The following MAGEB1 variants were observed in gnomAD, a reference collection of about 807,000 sequenced individuals.
The protein encoded by MAGEB1 is melanoma-associated antigen B1.
For synonymous variants in MAGEB1, 99 were observed against 105.7 expected (o/e 0.94, Z 0.39); for missense variants, 290 against 286.7 (o/e 1.01, Z -0.08).
rs150271069 is a variant in MAGEB1 at position 30,250,528 on chromosome X, G to A, written c.35G>A (p.Arg12His). The A allele has an allele frequency of 3.9e-4, 471 of 1,201,467 alleles. 2 individuals are homozygous for A. The highest frequency in any genetic ancestry group is 5.0e-4 in the Non-Finnish European group (444 of 890,983). ...GGTCAGAAGAGTAAGCTCCGTGCTC[G>A]TGAGAAACGCCGCAAGGCGCGAGAG... ...PRGQKSKLRA[R>H]EKRRKAREET... Residue 12 changes from arginine to histidine, a missense_variant, in exon 2 of 2, where the codon CGT becomes CAT. Transcript: ENST00000397548.
upstream of MAGEB1, among the ~76,000 whole-genome samples, chrX:30,245,714 A>G (rs1925284611): frequency 1.8e-5 from 2 of 112,728 alleles, no homozygotes; most frequent in Non-Finnish European, 3.7e-5. Flanking sequence ...GACAGATGTG[A>G]ATTAAAGAGA....
chrX:30,245,880 A>G (rs1489597237), upstream of MAGEB1, among the ~76,000 whole-genome samples: 1 of 112,399 alleles, frequency 8.9e-6, no homozygotes, highest in Non-Finnish European at 1.9e-5. Flanking sequence ...GTGAAGGAAT[A>G]GATCAGCATG....
At chrX:30,247,007 G>A (rs1194766542), upstream of MAGEB1, 3 of 112,381 alleles carry the variant, frequency 2.7e-5, no homozygotes, top group African/African-American at 9.7e-5. Flanking sequence ...GTCAGCAGGC[G>A]GAGTCGTCCC....
At chrX:30,250,006 G>A (rs1389750924) in intron 1 of MAGEB1, among the ~76,000 whole-genome samples, 1 of 111,498 alleles carries the variant, frequency 9.0e-6, no homozygotes, top group Non-Finnish European at 1.9e-5. Flanking sequence ...GATGAGATGA[G>A]GACTCTGAAT....
chrX:30,244,498 A>C (rs1925245755), upstream of MAGEB1, among the ~76,000 whole-genome samples: 1 of 112,195 alleles, frequency 8.9e-6, no homozygotes, highest in Non-Finnish European at 1.9e-5. Flanking sequence ...AGGTAATGAG[A>C]TACTCCTTAA....
chrX:30,249,686 T>C (rs779224366), intron 1 of MAGEB1, among the ~76,000 whole-genome samples: 15 of 111,589 alleles, frequency 1.3e-4, no homozygotes, highest in Non-Finnish European at 7.5e-5. Context: ...CCATTGGGTC[T>C]CAGGCAGATG....
rs1439741729 is a variant in MAGEB1, at chrX:30,251,147, A to G, written c.654A>G (p.Glu218=). The G allele has an allele frequency of 3.3e-6, 4 of 1,209,303 alleles. No individual in the cohort carries two copies. Among genetic ancestry groups the G allele is most frequent in the Non-Finnish European group, 4.5e-6 (4 of 894,417 alleles). ...TAAAGGGCAACTCTGCCACCGAGGA[A>G]GAGATCTGGAAATTCATGAATGTGT... ...IFLKGNSATE[E]EIWKFMNVLG... is the part of the protein sequence containing the mutation. The change falls in exon 2 of 2, where the codon GAA becomes GAG. Residue 218 remains glutamate (E), a synonymous_variant. Transcript: ENST00000397548.
In MAGEB1 at chrX:30,250,657, C is replaced by T. The variant is rs775778615; in HGVS notation, c.164C>T (p.Ala55Val). Reference sequence around the variant, plus strand: ...GATACTCCCACAAGCTCCCCTGCTGCTGGCATTCCCCAGAAGCCTCAGGGA... The same window carrying T: ...GATACTCCCACAAGCTCCCCTGCTGTTGGCATTCCCCAGAAGCCTCAGGGA... ...LGDTPTSSPAAGIPQKPQGAP... is the reference protein window; with the variant it reads ...LGDTPTSSPAVGIPQKPQGAP... The change falls in exon 2 of 2, where the codon GCT becomes GTT. Residue 55 changes from alanine to valine, a missense_variant. Transcript: ENST00000397548. 1.4e-5 allele frequency: 17 copies of T among 1,209,996 alleles called. No individual in the cohort carries two copies. Among genetic ancestry groups the T allele is most frequent in the Non-Finnish European group, 1.8e-5 (16 of 895,045 alleles).
intron 1 of MAGEB1, among the ~76,000 whole-genome samples, chrX:30,247,946 G>GAAAAAAAAAAAA (rs57368527): frequency 4.4e-5 from 2 of 45,939 alleles, no homozygotes; most frequent in African/African-American, 2.0e-4. Context: ...TCAGTCTCAA[G>GAAAAAAAAAAAA]AAAAAAAAAA....
rs770730497 is a variant in MAGEB1 at position 30,250,801 on chromosome X, C to T, written c.308C>T (p.Ser103Leu). ...CAGGCCACAACATCCACTGAGAGCTCAGTCAAAGATCCTGTAGCCTGGGAG... is the reference window on the plus strand; with the variant it reads ...CAGGCCACAACATCCACTGAGAGCTTAGTCAAAGATCCTGTAGCCTGGGAG... ...FSQATTSTES[S>L]VKDPVAWEAG... Residue 103 changes from serine to leucine, a missense_variant, in exon 2 of 2, where the codon TCA (serine) becomes TTA (leucine). Ser to Leu is a moderately radical substitution (Grantham distance 145). Coordinates refer to ENST00000397548, the MANE Select transcript of MAGEB1 (RefSeq NM_177404.3). 2.6e-5 allele frequency: 31 copies of T among 1,210,231 alleles called. No homozygotes were observed. The highest frequency in any genetic ancestry group is 3.5e-5 in the Non-Finnish European group (31 of 895,059).
chrX:30,250,765 C>A lies in MAGEB1; in HGVS notation c.272C>A (p.Ala91Glu). Residue 91 changes from alanine (A) to glutamate (E), a missense_variant, in exon 2 of 2, where the codon GCA becomes GAA. Ala to Glu is a moderately radical substitution (Grantham distance 107, BLOSUM62 -1). Coordinates refer to ENST00000397548, the MANE Select transcript of MAGEB1 (RefSeq NM_177404.3). ...GCCAAATGCCAAGGTGAGGAAAATG[C>A]AAGTTTCTCCCAGGCCACAACATCC... The part of the protein sequence containing the change: ...EGAKCQGEEN[A>E]SFSQATTSTE... 1 of 1,211,343 alleles carries A rather than the reference C, an allele frequency of 8.3e-7. No homozygotes were observed. The highest frequency in any genetic ancestry group is 1.1e-6 in the Non-Finnish European group (1 of 895,238).
At chrX:30,248,167 C>T (rs1338056175) in intron 1 of MAGEB1, among the ~76,000 whole-genome samples, 1 of 110,552 alleles carries the variant, frequency 9.0e-6, no homozygotes, top group Admixed American at 9.6e-5. Flanking sequence ...GGCGGCTACT[C>T]TATACACGAG....
chrX:30,244,437 C>T (rs1925243413), upstream of MAGEB1, among the ~76,000 whole-genome samples: 1 of 111,691 alleles, frequency 9.0e-6, no homozygotes, highest in Non-Finnish European at 1.9e-5. Flanking sequence ...AAAAAAACCC[C>T]AATCCCTGCC....
rs747975821 is a variant in MAGEB1 at position 30,251,561 on chromosome X, T to C, written c.*24T>C. The C allele has an allele frequency of 6.0e-6, 7 of 1,171,058 alleles. No individual in the cohort carries two copies. The East Asian group carries it at 2.1e-4, about 35-fold the overall frequency. On this transcript the variant is annotated 3_prime_UTR_variant, in exon 2 of 2. Transcript: ENST00000397548. ...GAGAACTCAGGCAGATTGTTCACTTTGTTTTTGTGGCAAGATGCCAACCTT... is the reference window on the plus strand; with the variant it reads ...GAGAACTCAGGCAGATTGTTCACTTCGTTTTTGTGGCAAGATGCCAACCTT...
In MAGEB1 at chrX:30,251,479, C is replaced by T; in HGVS notation, c.986C>T (p.Ala329Val). ...GTTAGAGCCAGGCGTCGCACTACTG[C>T]CACGACTTTTAGAGCGCGTTCTAGA... The part of the protein sequence containing the change: ...SSVRARRRTT[A>V]TTFRARSRAP... The change falls in exon 2 of 2, where the codon GCC becomes GTC. Residue 329 changes from alanine (A) to valine (V), a missense_variant. Ala to Val is a moderately conservative substitution (Grantham distance 64, BLOSUM62 0). Transcript: ENST00000397548. 1 of 1,211,889 alleles carries T rather than the reference C, an allele frequency of 8.3e-7. No homozygotes were observed. Among genetic ancestry groups the T allele is most frequent in the Non-Finnish European group, 1.1e-6 (1 of 895,505 alleles).
At chrX:30,245,662 A>G (rs1244426072), upstream of MAGEB1, among the ~76,000 whole-genome samples, 1 of 112,380 alleles carries the variant, frequency 8.9e-6, no homozygotes, top group African/African-American at 3.2e-5. Context: ...CAAACACTGG[A>G]TTGGAATACA....
At chrX:30,246,069 G>A (rs1925295735), upstream of MAGEB1, among the ~76,000 whole-genome samples, 1 of 111,933 alleles carries the variant, frequency 8.9e-6, no homozygotes, top group Non-Finnish European at 1.9e-5. Flanking sequence ...AGAGACAGAA[G>A]CCAACATGAG....
chrX:30,246,988 C>T (rs775919983), upstream of MAGEB1, among the ~76,000 whole-genome samples: 61 of 112,382 alleles, frequency 5.4e-4, no homozygotes, highest in African/African-American at 1.9e-3. Flanking sequence ...TTGAGGCTGG[C>T]GGATTTGGGT....
upstream of MAGEB1, among the ~76,000 whole-genome samples, chrX:30,246,820 C>T (rs933246327): frequency 4.5e-5 from 5 of 111,661 alleles, no homozygotes; most frequent in Admixed American, 4.7e-4. Context: ...ACCAGAGTCA[C>T]GGTGAGGACT....
Sources: allele counts gnomAD v4.1 joint callset (sites outside exome capture counted in the v4.1 genomes callset), GRCh38; gene constraint gnomAD v4.1.1; transcripts MANE v1.5; gene names NCBI Gene and HGNC (gene_info 2026-07-23, HGNC 2026-07-21).